TGIF1: variants seen among roughly 807,000 people sequenced by gnomAD.
The protein encoded by TGIF1 is TGFB induced factor homeobox 1.
A neutral mutation model predicts 19.3 loss-of-function variants in TGIF1; 4 were observed. That is an observed-to-expected ratio of 0.21 (90% CI 0.10 to 0.47). The LOEUF (loss-of-function observed/expected upper bound fraction) is 0.47. Among genes scored for constraint, TGIF1 ranks in the 20% least tolerant of loss-of-function variants. The pLI is 0.98. For missense variants in TGIF1, 275 were observed against 341.4 expected, an observed-to-expected ratio of 0.81 and a Z score of 1.53; for synonymous variants, 122 against 129.3, an observed-to-expected ratio of 0.94 and a Z score of 0.38.
chr18:3,448,231 G>A, upstream of TGIF1: 4 of 985,428 alleles, frequency 4.1e-6, no homozygotes, highest in Non-Finnish European at 4.8e-6. Context: ...AGGCCGCGGA[G>A]TCGCAGCGTC....
chr18:3,456,652 T>C lies in TGIF1; in HGVS notation c.243+72T>C. The C allele has an allele frequency of 7.3e-7, 1 of 1,370,196 alleles. No homozygotes were observed. The highest frequency in any genetic ancestry group is 1.0e-6 in the Non-Finnish European group (1 of 965,862). 84.9% of individuals were successfully genotyped at this position (1,370,196 alleles called of 1,614,324 possible). ...AGTCATTTTATGGCATTCCTGTGTG[T>C]CAAGTCATTAAGCTCCTTGCCACTC... On this transcript the variant is annotated intron_variant, in intron 2 of 2. Coordinates refer to ENST00000343820, the MANE Select transcript of TGIF1 (RefSeq NM_003244.4). The surrounding 1 kb of genome is among the most constrained non-coding windows in gnomAD (Gnocchi z 4.2).
intron 1 of TGIF1, chr18:3,452,352 C>G (rs1225029658): frequency 4.3e-6 from 7 of 1,613,220 alleles, no homozygotes; most frequent in Admixed American, 1.7e-5. Flanking sequence ...GGGTCCAGCT[C>G]CTCGGCGCCG....
intron 2 of TGIF1, among the ~76,000 whole-genome samples, chr18:3,428,534 G>C (rs936648580): frequency 1.3e-4 from 20 of 151,038 alleles, no homozygotes; most frequent in Non-Finnish European, 2.8e-4. Context: ...TCGGGAGATC[G>C]ACACCATCCT....
At chr18:3,421,416 T>C (rs183650097) in intron 2 of TGIF1, among the ~76,000 whole-genome samples, 6 of 148,224 alleles carry the variant, frequency 4.0e-5, no homozygotes, top group African/African-American at 1.2e-4. Context: ...AATATATATA[T>C]ACACACATAT....
At chr18:3,453,736 A>G (rs1257522709) in intron 1 of TGIF1, 3 of 700,872 alleles carry the variant, frequency 4.3e-6, no homozygotes, top group African/African-American at 1.9e-5. Context: ...GTCGCTGCTT[A>G]GGGCGGTGGG....
intron 1 of TGIF1, among the ~76,000 whole-genome samples, chr18:3,414,592 TAA>T (rs777453658): frequency 8.5e-5 from 13 of 152,298 alleles, no homozygotes; most frequent in East Asian, 7.7e-4. Flanking sequence ...CCAGTGAACT[TAA>T]AGAGGTGACC....
chr18:3,423,748 G>A (rs367836511), intron 2 of TGIF1, among the ~76,000 whole-genome samples: 31 of 152,056 alleles, frequency 2.0e-4, no homozygotes, highest in African/African-American at 6.5e-4. Context: ...CCAGCTACTC[G>A]GGAGACTAAG....
chr18:3,432,836 C>T (rs551667286), intron 2 of TGIF1, among the ~76,000 whole-genome samples: 13 of 151,882 alleles, frequency 8.6e-5, no homozygotes, highest in African/African-American at 2.9e-4. Context: ...CTCGGCTCAC[C>T]ACAACCTCCG....
At chr18:3,447,517 T>A (rs2082763854), upstream of TGIF1, 1 of 624,976 alleles carries the variant, frequency 1.6e-6, no homozygotes, top group South Asian at 1.8e-5. Flanking sequence ...GCCCACTTTT[T>A]TGAGGCTGTT....
chr18:3,440,012 C>T (rs1394389364), intron 2 of TGIF1, among the ~76,000 whole-genome samples: 1 of 150,696 alleles, frequency 6.6e-6, no homozygotes, highest in African/African-American at 2.4e-5. Flanking sequence ...CAGAGGAAGA[C>T]CCTGTCTCAA....
At chr18:3,426,264 G>C (rs139471959) in intron 2 of TGIF1, among the ~76,000 whole-genome samples, 6 of 149,966 alleles carry the variant, frequency 4.0e-5, no homozygotes, top group African/African-American at 1.5e-4. Context: ...CTCCTCCTGG[G>C]CTCAAGTGAT....
chr18:3,436,854 C>T (rs1027187411), intron 2 of TGIF1, among the ~76,000 whole-genome samples: 1 of 151,694 alleles, frequency 6.6e-6, no homozygotes, highest in Non-Finnish European at 1.5e-5. Flanking sequence ...CCTGTAATTC[C>T]AGCACTCTGG....
chr18:3,428,598 A>C (rs80327164), intron 2 of TGIF1, among the ~76,000 whole-genome samples: 5 of 151,704 alleles, frequency 3.3e-5, no homozygotes, highest in Admixed American at 2.6e-4. Flanking sequence ...TTATCCGGGC[A>C]TGGTGGCACG....
At chr18:3,448,245 C>T (rs898215004), upstream of TGIF1, 1 of 985,444 alleles carries the variant, frequency 1.0e-6, no homozygotes, top group East Asian at 1.1e-4. Context: ...CAGCGTCGCC[C>T]AGCCCCCGGC....
chr18:3,452,643 C>A (rs542895985), intron 1 of TGIF1, among the ~76,000 whole-genome samples: 2 of 152,238 alleles, frequency 1.3e-5, no homozygotes, highest in East Asian at 3.9e-4. Context: ...ACAAAAGCTA[C>A]TTGCTTTTCC....
At chr18:3,449,538 T>TAGCCC, upstream of TGIF1, 1 of 961,948 alleles carries the variant, frequency 1.0e-6, no homozygotes, top group Non-Finnish European at 1.2e-6. Context: ...GTCTCATCAT[T>TAGCCC]CCCCCCCGCC....
rs761278560 is a variant in TGIF1, at chr18:3,456,305, G to A, written c.17-49G>A. 1 of 1,550,962 alleles carries A rather than the reference G, an allele frequency of 6.4e-7. No individual in the cohort carries two copies. The highest frequency in any genetic ancestry group is 8.9e-7 in the Non-Finnish European group (1 of 1,123,136). On this transcript the variant is annotated intron_variant, in intron 1 of 2. Coordinates refer to ENST00000343820, the MANE Select transcript of TGIF1 (RefSeq NM_003244.4). This position sits in a 1 kb window ranked among gnomAD's most constrained non-coding sequence, Gnocchi z 4.2. ...TCAGCGTTAAGTGAGCTTTGCAATA[G>A]TTGCTGTGCTTATAAAGCAACTGAC...
intron 2 of TGIF1, among the ~76,000 whole-genome samples, chr18:3,433,795 A>G (rs1214677292): frequency 6.6e-6 from 1 of 152,214 alleles, no homozygotes; most frequent in African/African-American, 2.4e-5. Flanking sequence ...GAGTTCTGAA[A>G]ATGGATAGTC....
rs2082915470 is a variant in TGIF1, at chr18:3,451,253, A to G, written c.16+748A>G. Among the ~76,000 whole-genome samples the G allele has an allele frequency of 6.6e-6, 1 of 152,198 alleles. No homozygotes were observed. The highest frequency in any genetic ancestry group is 2.4e-5 in the African/African-American group (1 of 41,456). On this transcript the variant is annotated intron_variant, in intron 1 of 2. Transcript: ENST00000343820. This position sits in a 1 kb window ranked among gnomAD's most constrained non-coding sequence, Gnocchi z 5.4. ...ACAAGCAGGCTTGGTTGTAAGTGCAAAGAGCAAGGCTGTCATTGTTTCCAC... is the reference window on the plus strand; with the variant it reads ...ACAAGCAGGCTTGGTTGTAAGTGCAGAGAGCAAGGCTGTCATTGTTTCCAC...
Sources: allele counts gnomAD v4.1 joint callset (sites outside exome capture counted in the v4.1 genomes callset), GRCh38; gene constraint gnomAD v4.1.1; non-coding constraint Gnocchi (gnomAD v3.1); transcripts MANE v1.5; gene names NCBI Gene and HGNC (gene_info 2026-07-23, HGNC 2026-07-21).